Variants in KAZN observed in about 807,000 individuals in gnomAD.
KAZN encodes kazrin.
A neutral mutation model predicts 87.4 loss-of-function variants in KAZN; 40 were observed. The ratio of observed to expected loss-of-function variants is 0.46; its 90% CI spans 0.36 to 0.60. The LOEUF is 0.60. KAZN is among the 20% of genes least tolerant of loss of function. The probability of loss-of-function intolerance (pLI) is 0.00; values close to 1 mark genes in which losing one functional copy is unlikely to be tolerated. For missense variants in KAZN, 898 were observed against 1,073.9 expected, an observed-to-expected ratio of 0.84 and a Z score of 2.29; for synonymous variants, 466 against 458.3, an observed-to-expected ratio of 1.02 and a Z score of -0.22.
At chr1:14,684,582 G>T (rs1640851290) in intron 1 of KAZN, among the ~76,000 whole-genome samples, 1 of 152,194 alleles carries the variant, frequency 6.6e-6, no homozygotes, top group Non-Finnish European at 1.5e-5. Flanking sequence ...TGTTGGCAGA[G>T]CTGGTTCCTT....
intron 2 of KAZN, among the ~76,000 whole-genome samples, chr1:14,487,858 A>G (rs1364235394): frequency 6.6e-6 from 1 of 152,158 alleles, no homozygotes; most frequent in Non-Finnish European, 1.5e-5. Flanking sequence ...CTGGGTAGAT[A>G]GTGCTGCCTC....
rs1416467222 is a variant in KAZN, at chr1:14,913,863, C to A, written c.227-46821C>A. On this transcript the variant is annotated intron_variant, in intron 1 of 14. Transcript: ENST00000376030. Reference sequence around the variant, plus strand: ...GCAGCCGCAGGCGTGTGCAGACAGGCCTCCTGGAGCCCAGGCAGGTGGCCT... The same window carrying A: ...GCAGCCGCAGGCGTGTGCAGACAGGACTCCTGGAGCCCAGGCAGGTGGCCT... Among the ~76,000 whole-genome samples the A allele has an allele frequency of 2.0e-5, 3 of 152,208 alleles. No individual in the cohort carries two copies. In the East Asian group the frequency reaches 5.8e-4, roughly 29 times the overall value.
intron 1 of KAZN, among the ~76,000 whole-genome samples, chr1:14,018,732 A>G (rs911791253): frequency 6.6e-6 from 1 of 152,278 alleles, no homozygotes; most frequent in Non-Finnish European, 1.5e-5. Context: ...TGCTTCTTCC[A>G]TCTCCTGCAC....
chr1:14,139,928 TGTGTGTGTGTGTGTGTGTGTG>T lies in KAZN; in HGVS notation c.92-40506_92-40486del, dbSNP rs796685999. ...GGAGGGAAAGGGGATTTGAGGTAAA[TGTGTGTGTGTGTGTGTGTGTG>T]TGTGTGTGTGTGTGTGTGTGGTATG... On this transcript the variant is annotated intron_variant, in intron 1 of 16. Coordinates refer to the KAZN transcript ENST00000636203. 3.1e-3 allele frequency among the ~76,000 whole-genome samples: 3 copies of T among 982 alleles called. No individual in the cohort carries two copies. The East Asian group carries it at 0.19, about 61-fold the overall frequency. The allele number at this position is 982 out of a possible 152,430, so 0.6% of individuals were successfully genotyped here. A position where few individuals can be genotyped will look rare whatever the true frequency, so the allele number is the denominator to read the frequency against.
At position 14,856,453 on chromosome 1, in the gene KAZN, G is replaced by A. The variant is rs533848644; in HGVS notation, c.227-104231G>A. Among the ~76,000 whole-genome samples the A allele has an allele frequency of 3.3e-4, 50 of 152,278 alleles. No individual in the cohort carries two copies. The highest frequency in any genetic ancestry group is 1.1e-3 in the African/African-American group (44 of 41,544). Reference sequence around the variant, plus strand: ...AGCTAAAGACATTACAAAGGGCTGGGAATTAATATATACATAAGCGCATCT... The same window carrying A: ...AGCTAAAGACATTACAAAGGGCTGGAAATTAATATATACATAAGCGCATCT... On this transcript the variant is annotated intron_variant, in intron 1 of 14. Coordinates refer to ENST00000376030, the MANE Select transcript of KAZN (RefSeq NM_201628.3). This position sits in a 1 kb window ranked among gnomAD's most constrained non-coding sequence, Gnocchi z 5.2.
At chr1:14,877,837 TATC>T (rs1214787398) in intron 1 of KAZN, among the ~76,000 whole-genome samples, 2 of 152,212 alleles carry the variant, frequency 1.3e-5, no homozygotes, top group Non-Finnish European at 2.9e-5. Context: ...TATTCACAAT[TATC>T]ATGAATATCT....
chr1:14,010,948 C>T (rs1266096931), intron 1 of KAZN, among the ~76,000 whole-genome samples: 1 of 152,156 alleles, frequency 6.6e-6, no homozygotes, highest in African/African-American at 2.4e-5. Context: ...GCCTTGCTTC[C>T]CCTTTTTTTT....
At chr1:14,901,004 C>G (rs558548932) in intron 1 of KAZN, among the ~76,000 whole-genome samples, 80 of 152,278 alleles carry the variant, frequency 5.3e-4, no homozygotes, top group African/African-American at 1.8e-3. Flanking sequence ...AGGCACTGTC[C>G]CAATGGCCAT....
intron 1 of KAZN, among the ~76,000 whole-genome samples, chr1:13,973,516 C>A (rs866574471): frequency 1.3e-5 from 2 of 152,182 alleles, no homozygotes; most frequent in Admixed American, 1.3e-4. Flanking sequence ...AGGCAGTCCC[C>A]TTCATACAAA....
rs185767691 is a variant in KAZN, at chr1:14,881,461, C to T, written c.227-79223C>T. ...GGCAGGAAATAAACTTTCTGTGACC[C>T]GTACCATTGGAACTGTCTGCCATCT... On this transcript the variant is annotated intron_variant, in intron 1 of 14. Transcript: ENST00000376030. Among the ~76,000 whole-genome samples, 232 of 152,330 alleles carry T rather than the reference C, an allele frequency of 1.5e-3. 3 individuals are homozygous for T. The highest frequency in any genetic ancestry group is 0.013 in the Admixed American group (203 of 15,306).
intron 2 of KAZN, among the ~76,000 whole-genome samples, chr1:14,378,115 A>G (rs1361926366): frequency 6.6e-6 from 1 of 152,234 alleles, no homozygotes; most frequent in African/African-American, 2.4e-5. Flanking sequence ...TCTTCTAACC[A>G]TTGGGTATTC....
chr1:14,006,676 C>T (rs952447458), intron 1 of KAZN, among the ~76,000 whole-genome samples: 2 of 152,006 alleles, frequency 1.3e-5, no homozygotes, highest in Admixed American at 1.3e-4. Context: ...CTTCTGAGCT[C>T]TATATTCTGT....
chr1:14,929,851 C>T, intron 1 of KAZN: 1 of 985,470 alleles, frequency 1.0e-6, no homozygotes, highest in African/African-American at 1.7e-5. Flanking sequence ...ACCTCTGTCT[C>T]CCTTGTGGCG....
chr1:14,807,879 C>A (rs1213609019), intron 1 of KAZN, among the ~76,000 whole-genome samples: 1 of 152,118 alleles, frequency 6.6e-6, no homozygotes, highest in Admixed American at 6.5e-5. Flanking sequence ...TGGCTTGGAG[C>A]AGCCTCCACT....
chr1:14,103,057 T>C (rs1392724794), intron 1 of KAZN, among the ~76,000 whole-genome samples: 1 of 152,064 alleles, frequency 6.6e-6, no homozygotes, highest in Admixed American at 6.5e-5. Context: ...GATGAGGTTA[T>C]AGGTGTGCAC....
intron 2 of KAZN, among the ~76,000 whole-genome samples, chr1:14,253,607 C>G (rs934341600): frequency 1.3e-5 from 2 of 152,120 alleles, no homozygotes; most frequent in Non-Finnish European, 2.9e-5. Flanking sequence ...AAGGAGAGGC[C>G]TTGGTGGCAA....
chr1:14,195,511 T>TCTCACACA (rs71570187), intron 2 of KAZN, among the ~76,000 whole-genome samples: 12 of 146,190 alleles, frequency 8.2e-5, no homozygotes, highest in African/African-American at 3.0e-4. Context: ...CAAAAACGGC[T>TCTCACACA]CACACACACA....
intron 2 of KAZN, among the ~76,000 whole-genome samples, chr1:14,545,191 C>G (rs952853687): frequency 6.6e-6 from 1 of 152,232 alleles, no homozygotes; most frequent in Non-Finnish European, 1.5e-5. Context: ...GAGCAGCTCC[C>G]CAACCATTCT....
intron 2 of KAZN, among the ~76,000 whole-genome samples, chr1:14,338,943 C>T (rs1271360942): frequency 6.6e-6 from 1 of 152,160 alleles, no homozygotes; most frequent in Non-Finnish European, 1.5e-5. Flanking sequence ...GGGACACCCA[C>T]CTAATTGGGC....
Sources: allele counts gnomAD v4.1 joint callset (sites outside exome capture counted in the v4.1 genomes callset), GRCh38; gene constraint gnomAD v4.1.1; non-coding constraint Gnocchi (gnomAD v3.1); transcripts MANE v1.5; gene names NCBI Gene and HGNC (gene_info 2026-07-23, HGNC 2026-07-21).